Variants in SLC33A2 observed in about 807,000 individuals in gnomAD.
SLC33A2 encodes major facilitator superfamily domain containing 3.
At chr8:144,509,555 G>T in the SLC33A2 span, 11 of 1,517,766 alleles carry the variant, frequency 7.2e-6, no homozygotes, top group South Asian at 8.6e-5. Flanking sequence ...CGCGCAGCAC[G>T]GCGGGCCTGG....
At chr8:144,509,540 G>C in the SLC33A2 span, 1 of 1,522,798 alleles carries the variant, frequency 6.6e-7, no homozygotes, top group Non-Finnish European at 8.8e-7. Flanking sequence ...CGAGGGCCTG[G>C]GTGACGCGCA....
chr8:144,511,130 T>C, the SLC33A2 span: 11 of 1,610,756 alleles, frequency 6.8e-6, no homozygotes, highest in Non-Finnish European at 9.3e-6. Flanking sequence ...TTTCCCGTTC[T>C]GTACCTGGAC....
the SLC33A2 span, chr8:144,510,315 G>A: frequency 3.1e-6 from 5 of 1,604,908 alleles, no homozygotes; most frequent in Middle Eastern, 4.1e-4. Flanking sequence ...GGAGGTGGGG[G>A]CAGATATGGA....
the SLC33A2 span, chr8:144,509,238 C>T: frequency 8.8e-6 from 11 of 1,254,820 alleles, no homozygotes; most frequent in East Asian, 5.6e-5. Flanking sequence ...AAAGCCATGC[C>T]GGGGTGTGGC....
At chr8:144,511,021 G>C in the SLC33A2 span, 1 of 1,603,010 alleles carries the variant, frequency 6.2e-7, no homozygotes, top group Admixed American at 1.7e-5. Flanking sequence ...GGCCACGCTG[G>C]AGCTGCTGGG....
At chr8:144,510,516 T>G in the SLC33A2 span, 1 of 1,612,354 alleles carries the variant, frequency 6.2e-7, no homozygotes. Context: ...TGGTGAGCCC[T>G]CCCCAGTGTA....
chr8:144,509,879 G>A, the SLC33A2 span: 1 of 1,545,200 alleles, frequency 6.5e-7, no homozygotes, highest in Non-Finnish European at 8.7e-7. Context: ...CCCTGGCCTG[G>A]GCTGCACCAG....
chr8:144,510,914 G>T, the SLC33A2 span: 1 of 1,603,056 alleles, frequency 6.2e-7, no homozygotes. Context: ...GTGAGTAGAT[G>T]TAGCAGGGAC....
the SLC33A2 span, chr8:144,509,422 T>C: frequency 2.0e-6 from 3 of 1,531,448 alleles, no homozygotes; most frequent in Admixed American, 5.9e-5. Context: ...CCAGTGCTGC[T>C]GCGTGCCGGC....
the SLC33A2 span, chr8:144,510,971 G>A: frequency 1.1e-5 from 17 of 1,599,206 alleles, no homozygotes; most frequent in East Asian, 4.5e-5. Context: ...GACCTTGACC[G>A]TGACCCCCAC....
the SLC33A2 span, chr8:144,509,226 C>A: frequency 8.3e-7 from 1 of 1,197,898 alleles, no homozygotes; most frequent in Non-Finnish European, 1.1e-6. Context: ...GGTCCCAGAA[C>A]CAAAGCCATG....
chr8:144,510,663 C>A, the SLC33A2 span: 1 of 1,559,764 alleles, frequency 6.4e-7, no homozygotes, highest in Non-Finnish European at 8.7e-7. Context: ...TGTCAGACTG[C>A]CTTGGTCTTC....
At chr8:144,510,361 T>C in the SLC33A2 span, 16 of 1,611,762 alleles carry the variant, frequency 9.9e-6, no homozygotes, top group Non-Finnish European at 1.3e-5. Flanking sequence ...CCACCCAAGG[T>C]GAGCAGGGTG....
the SLC33A2 span, chr8:144,509,749 A>C: frequency 1.3e-6 from 2 of 1,566,438 alleles, no homozygotes; most frequent in Non-Finnish European, 1.7e-6. Context: ...AATACCGTGC[A>C]GGTGGTCGCG....
chr8:144,510,343 C>G, the SLC33A2 span: 2 of 1,610,658 alleles, frequency 1.2e-6, no homozygotes, highest in Non-Finnish European at 1.7e-6. Flanking sequence ...GTGCTCATGC[C>G]CCCCCCACCA....
chr8:144,511,191 G>T, the SLC33A2 span: 21 of 1,598,336 alleles, frequency 1.3e-5, no homozygotes, highest in Non-Finnish European at 1.7e-5. Context: ...GGTCAATAAA[G>T]CCACATGTGC....
At chr8:144,510,599 A>C in the SLC33A2 span, 10 of 1,585,512 alleles carry the variant, frequency 6.3e-6, no homozygotes, top group South Asian at 1.1e-4. Flanking sequence ...CCATCCCAGG[A>C]AACTGCTGCC....
At chr8:144,511,030 G>A in the SLC33A2 span, 2 of 1,603,786 alleles carry the variant, frequency 1.2e-6, no homozygotes, top group Non-Finnish European at 1.7e-6. Flanking sequence ...GGAGCTGCTG[G>A]GGAAGCTGCT....
chr8:144,509,120 C>T, the SLC33A2 span: 7 of 480,178 alleles, frequency 1.5e-5, no homozygotes, highest in African/African-American at 6.1e-5. Context: ...CGCTCGCCCC[C>T]GTTTGGACCC....
Sources: gnomAD v4.1 joint callset for allele counts on GRCh38, gnomAD v4.1.1 for gene constraint, MANE v1.5 for transcripts, NCBI Gene and HGNC (gene_info 2026-07-23, HGNC 2026-07-21) for gene names.